The following NDUFS4 variants were observed in gnomAD, a reference collection of about 807,000 sequenced individuals.
NDUFS4 encodes the protein NADH:ubiquinone oxidoreductase subunit S4, also known as NADH dehydrogenase [ubiquinone] iron-sulfur protein 4, mitochondrial.
In NDUFS4, 28 loss-of-function variants were observed where a neutral mutation model predicts 24.3. The ratio of observed to expected loss-of-function variants is 1.15; its 90% CI spans 0.85 to 1.58. The LOEUF (loss-of-function observed/expected upper bound fraction) is 1.58, where lower values mean the gene tolerates loss of function less well. Ranked by LOEUF, NDUFS4 falls within the 40% of genes most tolerant of loss-of-function variation. The pLI, the probability that NDUFS4 is intolerant of heterozygous loss-of-function variation, is 0.00. For synonymous variants in NDUFS4, 93 were observed against 69.7 expected (o/e 1.34, Z -1.67); for missense variants, 223 against 207.9 (o/e 1.07, Z -0.45).
At chr5:53,662,144 A>T (rs941015284) in intron 4 of NDUFS4, among the ~76,000 whole-genome samples, 2 of 152,192 alleles carry the variant, frequency 1.3e-5, no homozygotes, top group African/African-American at 4.8e-5. Context: ...TGTCATAGAT[A>T]GCTCTTATTA....
chr5:53,657,022 A>G (rs1322770858), intron 3 of NDUFS4, among the ~76,000 whole-genome samples: 1 of 152,150 alleles, frequency 6.6e-6, no homozygotes, highest in East Asian at 1.9e-4. Flanking sequence ...AGTTGTTACT[A>G]TTTGATTTCT....
chr5:53,588,352 G>GT (rs1405058816), intron 1 of NDUFS4, among the ~76,000 whole-genome samples: 1 of 152,106 alleles, frequency 6.6e-6, no homozygotes, highest in Non-Finnish European at 1.5e-5. Flanking sequence ...GTGAACATTT[G>GT]TTTCTCCGCA....
chr5:53,615,440 ATTCTAT>A (rs1281250227), intron 2 of NDUFS4, among the ~76,000 whole-genome samples: 2 of 152,002 alleles, frequency 1.3e-5, no homozygotes, highest in Admixed American at 6.6e-5. Flanking sequence ...GCAAACTTTG[ATTCTAT>A]TTCTGTGTTC....
At chr5:53,587,919 G>A (rs1749817647) in intron 1 of NDUFS4, among the ~76,000 whole-genome samples, 1 of 152,108 alleles carries the variant, frequency 6.6e-6, no homozygotes, top group Non-Finnish European at 1.5e-5. Context: ...AGTCAATGAA[G>A]GATTTCAACC....
chr5:53,596,242 G>A (rs113689949), intron 1 of NDUFS4, among the ~76,000 whole-genome samples: 24,909 of 151,318 alleles, frequency 0.16, 2,280 homozygotes, highest in Non-Finnish European at 0.21. Context: ...ACCAGCCTAG[G>A]CAACATGGTG....
At chr5:53,562,118 C>T (rs1473665903) in intron 1 of NDUFS4, among the ~76,000 whole-genome samples, 1 of 152,018 alleles carries the variant, frequency 6.6e-6, no homozygotes, top group Non-Finnish European at 1.5e-5. Flanking sequence ...GTTCTCCTGC[C>T]GCAGCCTCCT....
At chr5:53,616,078 T>C (rs1015238345) in intron 2 of NDUFS4, among the ~76,000 whole-genome samples, 1 of 152,174 alleles carries the variant, frequency 6.6e-6, no homozygotes, top group African/African-American at 2.4e-5. Context: ...GTGCCTAGGT[T>C]GCTCTGAGAT....
intron 2 of NDUFS4, among the ~76,000 whole-genome samples, chr5:53,610,503 G>C (rs1168530370): frequency 6.6e-6 from 1 of 151,550 alleles, no homozygotes; most frequent in Non-Finnish European, 1.5e-5. Context: ...CCTCAACAGA[G>C]GGTTGCCAGA....
At chr5:53,605,310 T>G (rs1014542886) in intron 2 of NDUFS4, among the ~76,000 whole-genome samples, 13 of 152,206 alleles carry the variant, frequency 8.5e-5, no homozygotes, top group Non-Finnish European at 1.6e-4. Context: ...GAGAGCACTA[T>G]TATTTTAATT....
At chr5:53,623,242 C>G (rs1008264350) in intron 2 of NDUFS4, among the ~76,000 whole-genome samples, 3 of 152,184 alleles carry the variant, frequency 2.0e-5, no homozygotes, top group Non-Finnish European at 4.4e-5. Context: ...CAGCAATACA[C>G]AAAGGTTCCA....
At chr5:53,620,594 A>G (rs1365919631) in intron 2 of NDUFS4, among the ~76,000 whole-genome samples, 3 of 152,292 alleles carry the variant, frequency 2.0e-5, no homozygotes, top group East Asian at 3.9e-4. Context: ...ATTATTTTAT[A>G]AAGCATTATA....
At chr5:53,629,693 G>T (rs1182999607) in intron 2 of NDUFS4, among the ~76,000 whole-genome samples, 1 of 152,068 alleles carries the variant, frequency 6.6e-6, no homozygotes, top group African/African-American at 2.4e-5. Context: ...CAGAGACTAG[G>T]ATTGTAACCC....
chr5:53,676,400 G>C (rs1416365843), intron 4 of NDUFS4, among the ~76,000 whole-genome samples: 2 of 152,148 alleles, frequency 1.3e-5, no homozygotes, highest in African/African-American at 2.4e-5. Flanking sequence ...CGTCTGACCA[G>C]TACATAACCT....
At chr5:53,658,788 A>AAT in intron 4 of NDUFS4, 164 bp downstream of exon 4, 1 of 525,240 alleles carries the variant, frequency 1.9e-6, no homozygotes, top group Non-Finnish European at 3.4e-6. Context: ...CACCTCCAAA[A>AAT]AAAAAAAAAA....
chr5:53,621,690 A>ATTT lies in NDUFS4; in HGVS notation c.177+18187_177+18189dup, dbSNP rs58169759. ...ATATTTGTTATAAACCTCATAGTAAATTTTTTTTTTTTTTTTTTTTTTTTT... is the reference window on the plus strand; with the variant it reads ...ATATTTGTTATAAACCTCATAGTAAATTTTTTTTTTTTTTTTTTTTTTTTTTTT... On this transcript the variant is annotated intron_variant, in intron 2 of 4. Transcript: ENST00000296684. Among the ~76,000 whole-genome samples, 310 of 81,564 alleles carry ATTT rather than the reference A, an allele frequency of 3.8e-3. 13 individuals carry two copies. The highest frequency in any genetic ancestry group is 0.015 in the African/African-American group (279 of 18,080). 53.5% of individuals were successfully genotyped at this position (81,564 alleles called of 152,430 possible). A position where few individuals can be genotyped will look rare whatever the true frequency, so the allele number is the denominator to read the frequency against.
chr5:53,631,168 G>A (rs1280097082), intron 2 of NDUFS4, among the ~76,000 whole-genome samples: 1 of 152,148 alleles, frequency 6.6e-6, no homozygotes, highest in Non-Finnish European at 1.5e-5. Flanking sequence ...GGAGTTTGCT[G>A]GAGGTCCACT....
rs538801837 is a variant in NDUFS4 at position 53,587,869 on chromosome 5, G to T, written c.99-15583G>T. Among the ~76,000 whole-genome samples the T allele has an allele frequency of 6.6e-5, 10 of 152,286 alleles. No homozygotes were observed. In the South Asian group the frequency reaches 2.1e-3, roughly 32 times the overall value. ...ACTGGGATTACAGGTGTGACACCAT[G>T]CCTGGCAATACTTCACTTTTTTAAG... On this transcript the variant is annotated intron_variant, in intron 1 of 4. Transcript: ENST00000296684.
chr5:53,622,709 A>G lies in NDUFS4; in HGVS notation c.177+19179A>G, dbSNP rs118107058. 5.6e-4 allele frequency among the ~76,000 whole-genome samples: 85 copies of G among 152,342 alleles called. No homozygotes were observed. In the East Asian group the frequency reaches 9.8e-3, roughly 18 times the overall value. On this transcript the variant is annotated intron_variant, in intron 2 of 4. Transcript: ENST00000296684. ...TGGAATGACTTAAAAATGTCATTCC[A>G]GTTTCCTTTTTTGAAAAATTATGTT...
intron 4 of NDUFS4, among the ~76,000 whole-genome samples, chr5:53,672,452 A>G (rs561381892): frequency 6.6e-6 from 1 of 152,272 alleles, no homozygotes; most frequent in South Asian, 2.1e-4. Flanking sequence ...TCTATTAAGT[A>G]GAACACAGGA....
Sources: gnomAD v4.1 joint callset for allele counts (sites outside exome capture counted in the v4.1 genomes callset) on GRCh38, gnomAD v4.1.1 for gene constraint, MANE v1.5 for transcripts, NCBI Gene and HGNC (gene_info 2026-07-23, HGNC 2026-07-21) for gene names.